Variants in PRKDC observed in about 807,000 individuals in gnomAD.
PRKDC encodes DNA-dependent protein kinase catalytic subunit.
PRKDC carries 82 observed loss-of-function variants against 486.9 expected under a neutral mutation model. That is an observed-to-expected ratio of 0.17 (90% CI 0.14 to 0.20). The LOEUF (loss-of-function observed/expected upper bound fraction) is 0.20, where lower values mean the gene tolerates loss of function less well. PRKDC is among the 10% of genes least tolerant of loss of function. The pLI, the probability that PRKDC is intolerant of heterozygous loss-of-function variation, is 1.00. For synonymous variants in PRKDC, 1,895 were observed against 1,837.0 expected, an observed-to-expected ratio of 1.03 and a Z score of -0.81; for missense variants, 4,504 against 5,038.2, an observed-to-expected ratio of 0.89 and a Z score of 3.21.
chr8:47,917,022 G>A (rs1386735571), intron 22 of PRKDC, among the ~76,000 whole-genome samples: 1 of 152,158 alleles, frequency 6.6e-6, no homozygotes, highest in Non-Finnish European at 1.5e-5. Flanking sequence ...TTGAGAGGCT[G>A]AGGTGGGCGG....
At chr8:47,875,377 A>G (rs1008635120) in intron 40 of PRKDC, among the ~76,000 whole-genome samples, 4 of 149,174 alleles carry the variant, frequency 2.7e-5, no homozygotes, top group African/African-American at 9.9e-5. Context: ...TGGTTTGTCA[A>G]CTCCTTTAGC....
intron 56 of PRKDC, among the ~76,000 whole-genome samples, chr8:47,838,106 A>C (rs1214411190): frequency 6.6e-6 from 1 of 152,190 alleles, no homozygotes; most frequent in African/African-American, 2.4e-5. Flanking sequence ...ACTGCACTCC[A>C]GCCTGGGTGA....
intron 81 of PRKDC, 92 bp downstream of exon 81, chr8:47,778,910 ATC>A (rs1178425484): frequency 1.4e-6 from 2 of 1,444,792 alleles, no homozygotes; most frequent in East Asian, 2.5e-5. Context: ...AATCTTGATG[ATC>A]TCTCTGAGGC....
chr8:47,796,951 T>G (rs1239522821), intron 73 of PRKDC, among the ~76,000 whole-genome samples: 1 of 152,194 alleles, frequency 6.6e-6, no homozygotes. Context: ...TCAAACTATT[T>G]TCCTTCATGG....
intron 38 of PRKDC, among the ~76,000 whole-genome samples, 176 bp from the exon 39 acceptor site, chr8:47,879,834 CTTTTTTTTTT>C (rs759336069): frequency 1.0e-5 from 1 of 99,218 alleles, no homozygotes; most frequent in South Asian, 4.0e-4. Context: ...TATACCTCAG[CTTTTTTTTTT>C]TTTTTTTTTT....
At chr8:47,849,093 C>G (rs2154500186) in intron 54 of PRKDC, 61 bp downstream of exon 54, 1 of 1,571,254 alleles carries the variant, frequency 6.4e-7, no homozygotes, top group Non-Finnish European at 8.6e-7. Flanking sequence ...TTGGAGACGT[C>G]TTAATAAATT....
intron 68 of PRKDC, among the ~76,000 whole-genome samples, chr8:47,816,820 T>TAA (rs78066737): frequency 7.8e-4 from 109 of 140,242 alleles, no homozygotes; most frequent in African/African-American, 2.8e-3. Flanking sequence ...ATAAAAAGTT[T>TAA]AAAAAAAAAA....
chr8:47,824,519 TCA>T (rs1230899954), intron 63 of PRKDC, among the ~76,000 whole-genome samples: 1 of 149,764 alleles, frequency 6.7e-6, no homozygotes, highest in Non-Finnish European at 1.5e-5. Context: ...TATCAAAGGT[TCA>T]CAGTGTATAA....
In PRKDC at chr8:47,807,127, G is replaced by A. The variant is rs1012580328; in HGVS notation, c.9747+10C>T. 4 of 1,611,684 alleles carry A rather than the reference G, an allele frequency of 2.5e-6. No individual in the cohort carries two copies. Among genetic ancestry groups the A allele is most frequent in the South Asian group, 2.2e-5 (2 of 90,742 alleles). On this transcript the variant is annotated intron_variant, in intron 69 of 85. Transcript: ENST00000314191. ...GTGACACAGCAGGGAGGACAGACAC[G>A]AGTACCCACCTGCTTCCGGGCACTG...
chr8:47,907,425 C>T (rs1413893512), intron 25 of PRKDC, among the ~76,000 whole-genome samples: 2 of 151,492 alleles, frequency 1.3e-5, no homozygotes, highest in South Asian at 2.1e-4. Flanking sequence ...CACACACACA[C>T]ACACACACAC....
chr8:47,908,636 A>G (rs1046296778), intron 25 of PRKDC, among the ~76,000 whole-genome samples: 3 of 152,130 alleles, frequency 2.0e-5, no homozygotes, highest in African/African-American at 7.2e-5. Flanking sequence ...ACATGTCAAG[A>G]TGTGTTATTA....
intron 64 of PRKDC, among the ~76,000 whole-genome samples, chr8:47,822,083 G>C (rs1044507414): frequency 6.6e-6 from 1 of 152,132 alleles, no homozygotes; most frequent in Non-Finnish European, 1.5e-5. Flanking sequence ...AGGAGTTTGA[G>C]ACTAGCCTAG....
chr8:47,831,393 G>A (rs545870081), intron 60 of PRKDC, among the ~76,000 whole-genome samples: 17 of 152,336 alleles, frequency 1.1e-4, no homozygotes, highest in Admixed American at 9.1e-4. Flanking sequence ...ATTTCTAGGC[G>A]GAATGGACGC....
intron 76 of PRKDC, among the ~76,000 whole-genome samples, chr8:47,787,584 C>G (rs963198811): frequency 1.3e-5 from 2 of 152,232 alleles, no homozygotes; most frequent in African/African-American, 4.8e-5. Context: ...AAACTCCAAA[C>G]ACATCTCCTG....
chr8:47,789,777 CA>C (rs1414746547), intron 74 of PRKDC, among the ~76,000 whole-genome samples: 1 of 151,940 alleles, frequency 6.6e-6, no homozygotes, highest in Admixed American at 6.6e-5. Flanking sequence ...ATCAAATACA[CA>C]AATCAATCAT....
intron 54 of PRKDC, among the ~76,000 whole-genome samples, chr8:47,841,240 C>G (rs760349524): frequency 2.6e-5 from 4 of 152,212 alleles, no homozygotes; most frequent in Non-Finnish European, 4.4e-5. Flanking sequence ...TGGAGCCCAG[C>G]AGGTCTCACT....
intron 12 of PRKDC, 76 bp downstream of exon 12, chr8:47,936,277 A>C: frequency 6.8e-7 from 1 of 1,461,358 alleles, no homozygotes; most frequent in Non-Finnish European, 9.2e-7. Context: ...CACTAAATGT[A>C]TTGTATGACT....
rs55778266 is a variant in PRKDC at position 47,904,932 on chromosome 8, G to A, written c.2979C>T (p.His993=). The change falls in exon 26 of 86, where the codon CAC becomes CAT. Residue 993 remains histidine, a synonymous_variant. Transcript: ENST00000314191. ...LYEPLVMQLI[H]WFTNNKKFES... Reference sequence around the variant, plus strand: ...CAAATTTCTTGTTGTTAGTGAACCAGTGAATCAGCTGCATAACTAGTGGCT... The same window carrying A: ...CAAATTTCTTGTTGTTAGTGAACCAATGAATCAGCTGCATAACTAGTGGCT... 1.7e-4 allele frequency: 273 copies of A among 1,613,724 alleles called. 3 individuals carry two copies. In the East Asian group the frequency reaches 6.1e-3, roughly 36 times the overall value.
At chr8:47,784,398 T>C (rs1359126608) in intron 77 of PRKDC, among the ~76,000 whole-genome samples, 1 of 152,198 alleles carries the variant, frequency 6.6e-6, no homozygotes, top group Admixed American at 6.5e-5. Flanking sequence ...TCAAGCTGCA[T>C]ATGACAAGGC....
Sources: gnomAD v4.1 joint callset for allele counts (sites outside exome capture counted in the v4.1 genomes callset) on GRCh38, gnomAD v4.1.1 for gene constraint, MANE v1.5 for transcripts, NCBI Gene and HGNC (gene_info 2026-07-23, HGNC 2026-07-21) for gene names.